DIP2C: variants seen among roughly 807,000 people sequenced by gnomAD.
DIP2C encodes DIP2 acetate--CoA ligase C (putative).
A neutral mutation model predicts 192.4 loss-of-function variants in DIP2C; 33 were observed. That is an observed-to-expected ratio of 0.17 (90% confidence interval 0.13 to 0.23). The LOEUF is 0.23. Ranked by LOEUF, DIP2C falls within the 10% of genes least tolerant of loss-of-function variation. The pLI, the probability that DIP2C is intolerant of heterozygous loss-of-function variation, is 1.00. For missense variants in DIP2C, 1,537 were observed against 2,110.1 expected, an observed-to-expected ratio of 0.73 and a Z score of 5.32; for synonymous variants, 979 against 864.1, an observed-to-expected ratio of 1.13 and a Z score of -2.33.
intron 6 of DIP2C, among the ~76,000 whole-genome samples, chr10:417,740 C>T (rs1483793396): frequency 7.5e-6 from 1 of 133,458 alleles, no homozygotes; most frequent in Non-Finnish European, 1.6e-5. Context: ...CTGCGCCTGT[C>T]AGGGCTCGGA....
intron 29 of DIP2C, among the ~76,000 whole-genome samples, chr10:340,358 AAAAAG>A (rs1958083976): frequency 6.6e-6 from 1 of 152,046 alleles, no homozygotes; most frequent in African/African-American, 2.4e-5. Flanking sequence ...CCATTTAAAA[AAAAAG>A]GGGGGAAAGC....
chr10:383,544 A>G (rs1962576017), intron 16 of DIP2C, among the ~76,000 whole-genome samples: 1 of 152,218 alleles, frequency 6.6e-6, no homozygotes, highest in Admixed American at 6.5e-5. Flanking sequence ...ACAGGATGTG[A>G]TAACGCAATT....
At chr10:291,555 G>A (rs1187151458) in intron 32 of DIP2C, among the ~76,000 whole-genome samples, 2 of 152,130 alleles carry the variant, frequency 1.3e-5, no homozygotes, top group African/African-American at 4.8e-5. Context: ...CACATCAGAG[G>A]GCTGATTCCC....
rs114866045 is a variant in DIP2C, at chr10:562,898, C to A, written c.86-76368G>T. Among the ~76,000 whole-genome samples, 596 of 152,346 alleles carry A rather than the reference C, an allele frequency of 3.9e-3. 3 individuals are homozygous for A. Among genetic ancestry groups the A allele is most frequent in the African/African-American group, 0.014 (566 of 41,566 alleles). ...ATGTGAGTGCCCCTAAAAATACACA[C>A]AAGCCTGGCTGCTTAAAAGGAATGA... is the stretch of plus-strand genomic sequence containing the variant. On this transcript the variant is annotated intron_variant, in intron 1 of 36. Coordinates refer to ENST00000280886, the MANE Select transcript of DIP2C (RefSeq NM_014974.3).
intron 1 of DIP2C, among the ~76,000 whole-genome samples, chr10:490,415 G>GT (rs2133580985): frequency 6.6e-6 from 1 of 152,316 alleles, no homozygotes; most frequent in Non-Finnish European, 1.5e-5. Context: ...CCCGCTAGGC[G>GT]TATCCACTGC....
chr10:650,356 CG>C, intron 1 of DIP2C: 4 of 717,314 alleles, frequency 5.6e-6, no homozygotes, highest in Non-Finnish European at 1.0e-5. Flanking sequence ...AGCCCCAGAC[CG>C]GGGCTGTGGA....
intron 29 of DIP2C, chr10:340,757 C>T (rs1337182974): frequency 3.3e-5 from 15 of 457,504 alleles, no homozygotes; most frequent in East Asian, 1.4e-4. Flanking sequence ...CCCCAGGGAA[C>T]GCTCAGCCCT....
chr10:360,657 C>G (rs1959364185), intron 22 of DIP2C, among the ~76,000 whole-genome samples: 1 of 152,164 alleles, frequency 6.6e-6, no homozygotes, highest in Admixed American at 6.5e-5. Context: ...TTCCCAGGGA[C>G]CTTTAAAGCT....
chr10:420,016 C>T (rs191565908), intron 5 of DIP2C, among the ~76,000 whole-genome samples: 2 of 152,308 alleles, frequency 1.3e-5, no homozygotes, highest in South Asian at 2.1e-4. Flanking sequence ...ATCTTGATGA[C>T]GGGCGCCACG....
At chr10:306,252 C>G (rs1476433223) in intron 32 of DIP2C, among the ~76,000 whole-genome samples, 1 of 151,860 alleles carries the variant, frequency 6.6e-6, no homozygotes, top group African/African-American at 2.4e-5. Context: ...CCATGGTGAC[C>G]TGTCACAGAT....
chr10:383,382 C>T (rs1962556156), intron 16 of DIP2C, among the ~76,000 whole-genome samples: 1 of 152,110 alleles, frequency 6.6e-6, no homozygotes, highest in African/African-American at 2.4e-5. Flanking sequence ...TGGTCAGATA[C>T]CTTTAATTTC....
At chr10:384,444 G>C (rs1006968972) in intron 15 of DIP2C, 102 bp downstream of exon 15, 1 of 1,194,784 alleles carries the variant, frequency 8.4e-7, no homozygotes, top group Admixed American at 1.8e-5. Flanking sequence ...CTCCATATTG[G>C]CCCGGGTGGT....
chr10:336,835 T>G (rs1353712839), intron 29 of DIP2C, among the ~76,000 whole-genome samples: 1 of 151,896 alleles, frequency 6.6e-6, no homozygotes. Context: ...GGCAGCTGTG[T>G]GTGTGTGTGT....
At position 417,974 on chromosome 10, in the gene DIP2C, T is replaced by G. The variant is rs112831189; in HGVS notation, c.739+1091A>C. Reference sequence around the variant, plus strand: ...CCTGTCCACCTGCACCTGTCAGGGCTCGGATAGGCCTCCCTGTCCACCTGC... The same window carrying G: ...CCTGTCCACCTGCACCTGTCAGGGCGCGGATAGGCCTCCCTGTCCACCTGC... On this transcript the variant is annotated intron_variant, in intron 6 of 36. Transcript: ENST00000280886. Among the ~76,000 whole-genome samples the G allele has an allele frequency of 2.8e-3, 252 of 89,830 alleles. 13 individuals carry two copies. Among genetic ancestry groups the G allele is most frequent in the African/African-American group, 3.5e-3 (63 of 18,196 alleles). 58.9% of individuals were successfully genotyped at this position (89,830 alleles called of 152,430 possible). A position where few individuals can be genotyped will look rare whatever the true frequency, so the allele number is the denominator to read the frequency against.
At chr10:413,600 G>A (rs1025089947) in intron 8 of DIP2C, among the ~76,000 whole-genome samples, 42 of 152,134 alleles carry the variant, frequency 2.8e-4, no homozygotes, top group African/African-American at 8.7e-4. Flanking sequence ...ATTTCTGTGC[G>A]GAAACATAAG....
chr10:595,524 T>C (rs1024973402), intron 1 of DIP2C, among the ~76,000 whole-genome samples: 1 of 152,130 alleles, frequency 6.6e-6, no homozygotes, highest in Non-Finnish European at 1.5e-5. Context: ...AGAACAAACA[T>C]CAATATCCCA....
intron 1 of DIP2C, among the ~76,000 whole-genome samples, chr10:521,153 C>G (rs1846681707): frequency 6.6e-6 from 1 of 152,184 alleles, no homozygotes; most frequent in Admixed American, 6.5e-5. Flanking sequence ...CCATTTTTAA[C>G]TTTTACAGGT....
chr10:363,117 G>A lies in DIP2C; in HGVS notation c.2592+80C>T, dbSNP rs144854424. The A allele has an allele frequency of 7.2e-5, 93 of 1,298,818 alleles. No homozygotes were observed. The African/African-American group carries it at 1.3e-3, about 18-fold the overall frequency. The allele number at this position is 1,298,818 out of a possible 1,614,324, so 80.5% of individuals were successfully genotyped here. On this transcript the variant is annotated intron_variant, in intron 21 of 36. Coordinates refer to ENST00000280886, the MANE Select transcript of DIP2C (RefSeq NM_014974.3). This position sits in a 1 kb window ranked among gnomAD's most constrained non-coding sequence, Gnocchi z 5.4. Reference sequence around the variant, plus strand: ...CCACCCCATGGGCAAAGCAACAGCTGGTCACACCATGATCTGAATGAAGTA... The same window carrying A: ...CCACCCCATGGGCAAAGCAACAGCTAGTCACACCATGATCTGAATGAAGTA...
chr10:472,715 G>A (rs563787149), intron 2 of DIP2C, among the ~76,000 whole-genome samples, 166 bp from the exon 3 acceptor site: 38 of 152,234 alleles, frequency 2.5e-4, no homozygotes, highest in Admixed American at 1.6e-3. Context: ...GACTGAGGAG[G>A]AAGCTCTCCC....
Sources: allele counts gnomAD v4.1 joint callset (sites outside exome capture counted in the v4.1 genomes callset), GRCh38; gene constraint gnomAD v4.1.1; non-coding constraint Gnocchi (gnomAD v3.1); transcripts MANE v1.5; gene names NCBI Gene and HGNC (gene_info 2026-07-23, HGNC 2026-07-21).